Variants in CIB1 observed in about 807,000 individuals in gnomAD.
CIB1 encodes the protein calcium and integrin-binding protein 1.
CIB1 carries 19 observed loss-of-function variants against 25.0 expected under a neutral mutation model. The observed-to-expected ratio is 0.76, with a 90% CI of 0.53 to 1.12. The LOEUF (loss-of-function observed/expected upper bound fraction) is 1.12. Among genes scored for constraint, CIB1 ranks in the 50% most tolerant of loss-of-function variants. CIB1 has a pLI of 0.00. For synonymous variants in CIB1, 104 were observed against 98.5 expected (o/e 1.06, Z -0.33); for missense variants, 236 against 242.6 (o/e 0.97, Z 0.18).
the CIB1 span, chr15:90,262,444 C>T: frequency 1.4e-6 from 2 of 1,434,716 alleles, no homozygotes; most frequent in East Asian, 5.0e-5. Flanking sequence ...CACCCCTCTT[C>T]TCCCCAACAC....
chr15:90,257,150 G>A, the CIB1 span: 1 of 1,613,218 alleles, frequency 6.2e-7, no homozygotes, highest in Admixed American at 1.7e-5. Flanking sequence ...CCTCCTCATT[G>A]ATGGCTTCAA....
the CIB1 span, chr15:90,249,947 T>TTTTATTTATTTATTTATTTATTTATTTA: frequency 6.8e-6 from 1 of 147,574 alleles, no homozygotes; most frequent in Non-Finnish European, 1.5e-5. Context: ...CTGTATTTTA[T>TTTTATTTATTTATTTATTTATTTATTTA]TTTATTTATT....
the CIB1 span, chr15:90,257,336 C>T: frequency 6.4e-7 from 1 of 1,567,020 alleles, no homozygotes; most frequent in Non-Finnish European, 8.6e-7. Flanking sequence ...CTGAGGTTCT[C>T]TAGAGAAACA....
chr15:90,238,646 A>G (rs1352539452), upstream of CIB1: 1 of 152,038 alleles, frequency 6.6e-6, no homozygotes, highest in Non-Finnish European at 1.5e-5. Flanking sequence ...GAAGATGAAG[A>G]CAGGCACTAA....
chr15:90,240,495 G>A, the CIB1 span, among the ~76,000 whole-genome samples: 10 of 151,516 alleles, frequency 6.6e-5, no homozygotes, highest in African/African-American at 2.4e-4. Flanking sequence ...GCAACAGAGT[G>A]AGACTCTGTC....
chr15:90,230,614 C>T (rs994090496), intron 6 of CIB1, 109 bp from the exon 7 acceptor site: 34 of 1,188,316 alleles, frequency 2.9e-5, no homozygotes, highest in Non-Finnish European at 3.5e-5. Context: ...GGCTATGTTC[C>T]GTGTGTCAGC....
the CIB1 span, chr15:90,262,187 G>A: frequency 3.9e-6 from 6 of 1,530,778 alleles, no homozygotes; most frequent in Non-Finnish European, 4.4e-6. Flanking sequence ...AGAGGAGTGT[G>A]CCAGGTACTT....
In CIB1 at chr15:90,231,126, C is replaced by A; in HGVS notation, c.434G>T (p.Ser145Ile). The change falls in exon 5 of 7, where the codon AGT becomes ATT. Residue 145 changes from serine (S) to isoleucine (I), a missense_variant. Ser to Ile is a moderately radical substitution (Grantham distance 142). Transcript: ENST00000328649. ...LTGEGEDTRL[S>I]ASEMKQLIDN... ...GATGAGCTGCTTCATCTCAGACGCA[C>A]TAAGCCGTGTGTCCTCGCCCTCTCC... 1 of 1,614,222 alleles carries A rather than the reference C, an allele frequency of 6.2e-7. No homozygotes were observed. The highest frequency in any genetic ancestry group is 8.5e-7 in the Non-Finnish European group (1 of 1,180,036).
chr15:90,256,600 T>TCTTC, the CIB1 span, among the ~76,000 whole-genome samples: 77 of 34,006 alleles, frequency 2.3e-3, 3 homozygotes, highest in Admixed American at 2.5e-3. Context: ...TTTCTTTCTT[T>TCTTC]CTTTCTTTCC....
At chr15:90,254,137 G>A in the CIB1 span, among the ~76,000 whole-genome samples, 1 of 151,492 alleles carries the variant, frequency 6.6e-6, no homozygotes, top group African/African-American at 2.4e-5. Flanking sequence ...AGGTTGCAGT[G>A]AGCAGAGATC....
the CIB1 span, chr15:90,264,003 A>T: frequency 6.5e-7 from 1 of 1,536,122 alleles, no homozygotes; most frequent in Non-Finnish European, 8.7e-7. Context: ...GTTCATTGTC[A>T]ATGAAGAAGG....
the CIB1 span, chr15:90,263,241 G>A: frequency 8.8e-7 from 1 of 1,138,592 alleles, no homozygotes; most frequent in Non-Finnish European, 1.2e-6. Flanking sequence ...TTGTGTGATG[G>A]TATCTGTCAG....
chr15:90,237,697 ATC>A (rs1240091697), upstream of CIB1, among the ~76,000 whole-genome samples: 1 of 151,984 alleles, frequency 6.6e-6, no homozygotes, highest in Non-Finnish European at 1.5e-5. Context: ...GTCTAAGATT[ATC>A]TCTTTTTTTT....
the CIB1 span, chr15:90,245,899 C>T: frequency 6.6e-6 from 1 of 152,114 alleles, no homozygotes; most frequent in Admixed American, 6.6e-5. Flanking sequence ...ACGTAGGGGC[C>T]CTTTGTACTC....
At chr15:90,256,546 TTTC>T in the CIB1 span, among the ~76,000 whole-genome samples, 6 of 18,274 alleles carry the variant, frequency 3.3e-4, no homozygotes, top group African/African-American at 5.5e-4. Flanking sequence ...CTCCTTCCTT[TTTC>T]TTTCTTTCTT....
the CIB1 span, chr15:90,261,946 C>G: frequency 1.5e-6 from 2 of 1,355,278 alleles, no homozygotes; most frequent in Non-Finnish European, 1.9e-6. Context: ...GTCAGTCTTC[C>G]TTTCCCTACT....
Position 90,230,425 on chromosome 15 carries a change from A to C in CIB1, c.*59T>G. On this transcript the variant is annotated 3_prime_UTR_variant, in exon 7 of 7. Transcript: ENST00000328649. ...TGGCAACACAGGCTTGACCTTGGCC[A>C]CAGCTCAGCAGTAGAAAGGTTCTTG... 1 of 1,545,002 alleles carries C rather than the reference A, an allele frequency of 6.5e-7. No individual in the cohort carries two copies. The highest frequency in any genetic ancestry group is 2.0e-5 in the Admixed American group (1 of 50,944).
At chr15:90,262,446 C>A in the CIB1 span, 1 of 1,441,130 alleles carries the variant, frequency 6.9e-7, no homozygotes, top group South Asian at 1.5e-5. Context: ...CCCCTCTTCT[C>A]CCCAACACCA....
In CIB1 at chr15:90,230,367, G is replaced by A. The variant is rs1200336974; in HGVS notation, c.*117C>T. The A allele has an allele frequency of 3.4e-5, 42 of 1,218,988 alleles. No individual in the cohort carries two copies. Among genetic ancestry groups the A allele is most frequent in the South Asian group, 6.6e-5 (5 of 75,492 alleles). 75.5% of individuals were successfully genotyped at this position (1,218,988 alleles called of 1,614,324 possible). ...CCTGCCCGGGGTGAGGCTGCACAGC[G>A]CCAGCTCCAGGCTGGGCCAGCTTGG... On this transcript the variant is annotated 3_prime_UTR_variant, in exon 7 of 7. Coordinates refer to ENST00000328649, the MANE Select transcript of CIB1 (RefSeq NM_006384.4).
Sources: gnomAD v4.1 joint callset for allele counts (sites outside exome capture counted in the v4.1 genomes callset) on GRCh38, gnomAD v4.1.1 for gene constraint, MANE v1.5 for transcripts, NCBI Gene and HGNC (gene_info 2026-07-23, HGNC 2026-07-21) for gene names.